PKIB: variants seen among roughly 807,000 people sequenced by gnomAD.
PKIB encodes PKI-beta.
In PKIB, 2 loss-of-function variants were observed where a neutral mutation model predicts 4.5. The observed-to-expected ratio is 0.44, with a 90% confidence interval of 0.18 to 1.39. The LOEUF (loss-of-function observed/expected upper bound fraction) is 1.39. Among genes scored for constraint, PKIB ranks in the 40% most tolerant of loss-of-function variants. The pLI is 0.27. For missense variants in PKIB, 94 were observed against 92.6 expected (o/e 1.02, Z -0.06); for synonymous variants, 38 against 36.0 (o/e 1.06, Z -0.20).
exon 1 of PKIB, chr6:122,472,006 G>A: frequency 1.4e-6 from 1 of 738,028 alleles, no homozygotes; most frequent in Non-Finnish European, 2.1e-6. Context: ...AACGGCTAAT[G>A]TGGATCTGAC....
chr6:122,510,922 C>T (rs1344417613), intron 2 of PKIB, among the ~76,000 whole-genome samples: 1 of 152,110 alleles, frequency 6.6e-6, no homozygotes, highest in Admixed American at 6.5e-5. Context: ...TGGGCTCCCT[C>T]TCCTAGAAGG....
chr6:122,685,613 T>G (rs756320171), intron 3 of PKIB, among the ~76,000 whole-genome samples: 4 of 152,142 alleles, frequency 2.6e-5, no homozygotes, highest in Non-Finnish European at 5.9e-5. Flanking sequence ...TCAGGGTAAA[T>G]GGGGCATCCA....
At chr6:122,648,088 A>G (rs1390332364) in intron 2 of PKIB, among the ~76,000 whole-genome samples, 3 of 152,192 alleles carry the variant, frequency 2.0e-5, no homozygotes, top group Non-Finnish European at 4.4e-5. Context: ...ACCCCAACCA[A>G]TATAGTAACT....
chr6:122,557,097 T>C (rs1236223354), intron 2 of PKIB, among the ~76,000 whole-genome samples: 1 of 152,144 alleles, frequency 6.6e-6, no homozygotes, highest in Non-Finnish European at 1.5e-5. Context: ...GCACCTGTAG[T>C]CTCAGCTACT....
intron 2 of PKIB, among the ~76,000 whole-genome samples, chr6:122,536,690 A>G (rs889812770): frequency 6.6e-6 from 1 of 152,096 alleles, no homozygotes; most frequent in Non-Finnish European, 1.5e-5. Context: ...TTTGATTTGA[A>G]TGGAGATTTT....
chr6:122,498,178 G>A (rs1204268033), intron 2 of PKIB, among the ~76,000 whole-genome samples: 2 of 152,154 alleles, frequency 1.3e-5, no homozygotes, highest in Non-Finnish European at 2.9e-5. Flanking sequence ...ACAAAAGAAA[G>A]GTGTATTGGA....
intron 2 of PKIB, among the ~76,000 whole-genome samples, chr6:122,656,065 T>C (rs780244327): frequency 2.6e-5 from 4 of 152,174 alleles, no homozygotes; most frequent in Non-Finnish European, 5.9e-5. Flanking sequence ...GGGTGTGATA[T>C]AATATTCTTA....
At chr6:122,525,877 C>G (rs1416986090) in intron 2 of PKIB, among the ~76,000 whole-genome samples, 2 of 152,014 alleles carry the variant, frequency 1.3e-5, no homozygotes, top group African/African-American at 4.8e-5. Flanking sequence ...AAAATATTTC[C>G]CTGTAGCATG....
At chr6:122,669,957 A>G (rs1203433087) in intron 2 of PKIB, among the ~76,000 whole-genome samples, 1 of 151,834 alleles carries the variant, frequency 6.6e-6, no homozygotes, top group Non-Finnish European at 1.5e-5. Context: ...GTTCTATCTT[A>G]TGTGCAATCC....
At position 122,553,483 on chromosome 6, in the gene PKIB, T is replaced by TC. The variant is rs1354325649; in HGVS notation, c.-247-32438_-247-32437insC. On this transcript the variant is annotated intron_variant, in intron 2 of 6. Transcript: ENST00000392491. ...TCTCAAGATTGCTCAAATATCTTCT[T>TC]TTTTTTTTTTTTTTTTTTTTCTGAA... is the stretch of plus-strand genomic sequence containing the variant. Among the ~76,000 whole-genome samples, 15 of 71,264 alleles carry TC rather than the reference T, an allele frequency of 2.1e-4. No homozygotes were observed. In the East Asian group the frequency reaches 6.5e-3, roughly 31 times the overall value. 46.8% of individuals were successfully genotyped at this position (71,264 alleles called of 152,430 possible).
intron 4 of PKIB, among the ~76,000 whole-genome samples, chr6:122,723,725 C>T (rs933700540): frequency 1.3e-5 from 2 of 152,104 alleles, no homozygotes; most frequent in African/African-American, 4.8e-5. Flanking sequence ...TCTTCTTCAC[C>T]TTTTCAGGCC....
At chr6:122,539,893 T>C (rs1434669998) in intron 2 of PKIB, among the ~76,000 whole-genome samples, 1 of 152,106 alleles carries the variant, frequency 6.6e-6, no homozygotes, top group Non-Finnish European at 1.5e-5. Context: ...TTCAACTTCT[T>C]CCTGGTTTAG....
At chr6:122,694,293 G>A (rs989568686) in intron 3 of PKIB, among the ~76,000 whole-genome samples, 2 of 152,134 alleles carry the variant, frequency 1.3e-5, no homozygotes, top group Non-Finnish European at 2.9e-5. Flanking sequence ...TCTAGGGAAG[G>A]TATCTGGAAT....
upstream of PKIB, among the ~76,000 whole-genome samples, chr6:122,608,511 TC>T (rs1774621560): frequency 6.6e-6 from 1 of 152,240 alleles, no homozygotes; most frequent in East Asian, 1.9e-4. Flanking sequence ...CTCCTTACTT[TC>T]CTAGTAGAAA....
intron 2 of PKIB, among the ~76,000 whole-genome samples, chr6:122,499,160 A>G (rs1776154283): frequency 6.6e-6 from 1 of 152,148 alleles, no homozygotes; most frequent in Non-Finnish European, 1.5e-5. Context: ...TACCAATCCT[A>G]CTAAAACTAT....
intron 2 of PKIB, among the ~76,000 whole-genome samples, chr6:122,485,341 T>C (rs1479460433): frequency 6.6e-6 from 1 of 152,194 alleles, no homozygotes; most frequent in Admixed American, 6.5e-5. Context: ...TATTTATACA[T>C]TGAAATTATT....
intron 2 of PKIB, among the ~76,000 whole-genome samples, chr6:122,534,610 C>G (rs750693972): frequency 2.6e-5 from 4 of 152,104 alleles, no homozygotes; most frequent in Non-Finnish European, 5.9e-5. Context: ...AAGACTTACA[C>G]TGGTTCATAA....
intron 2 of PKIB, among the ~76,000 whole-genome samples, chr6:122,520,661 T>TTCCTC (rs1562237597): frequency 2.9e-4 from 16 of 55,494 alleles, no homozygotes; most frequent in Admixed American, 6.5e-4. Context: ...AAGTTTATGT[T>TTCCTC]CCCACCCCCC....
At chr6:122,491,956 G>T (rs1775945010) in intron 2 of PKIB, among the ~76,000 whole-genome samples, 1 of 152,156 alleles carries the variant, frequency 6.6e-6, no homozygotes, top group African/African-American at 2.4e-5. Flanking sequence ...TATGAGTACT[G>T]AAAGCCCTTT....
Sources: allele counts gnomAD v4.1 joint callset (sites outside exome capture counted in the v4.1 genomes callset), GRCh38; gene constraint gnomAD v4.1.1; transcripts MANE v1.5; gene names NCBI Gene and HGNC (gene_info 2026-07-23, HGNC 2026-07-21).